ANO2: variants seen among roughly 807,000 people sequenced by gnomAD.
ANO2 encodes anoctamin-2.
ANO2 carries 101 observed loss-of-function variants against 124.2 expected under a neutral mutation model. The ratio of observed to expected loss-of-function variants is 0.81; its 90% CI spans 0.69 to 0.96. The LOEUF (loss-of-function observed/expected upper bound fraction) is 0.96. Among genes scored for constraint, ANO2 ranks in the 40% least tolerant of loss-of-function variants. The probability of loss-of-function intolerance (pLI) is 0.00; values close to 1 mark genes in which losing one functional copy is unlikely to be tolerated. For missense variants in ANO2, 1,293 were observed against 1,274.5 expected, an observed-to-expected ratio of 1.01 and a Z score of -0.22; for synonymous variants, 486 against 482.5, an observed-to-expected ratio of 1.01 and a Z score of -0.09.
intron 14 of ANO2, among the ~76,000 whole-genome samples, chr12:5,718,402 C>A (rs556925115): frequency 1.2e-3 from 185 of 152,294 alleles, no homozygotes; most frequent in African/African-American, 4.0e-3. Flanking sequence ...CAGGGGTGAA[C>A]AAGGGTTTGG....
chr12:5,638,009 T>A (rs1037502259), intron 15 of ANO2, among the ~76,000 whole-genome samples: 1 of 152,250 alleles, frequency 6.6e-6, no homozygotes, highest in African/African-American at 2.4e-5. Context: ...TGGATCATGG[T>A]AGAAATTTTA....
chr12:5,578,277 T>A, intron 21 of ANO2, 89 bp downstream of exon 21: 1 of 1,518,350 alleles, frequency 6.6e-7, no homozygotes, highest in Non-Finnish European at 8.9e-7. Context: ...TTCCCAGCCC[T>A]CTTGATTCCT....
chr12:5,624,787 A>C (rs1366490334), intron 16 of ANO2, among the ~76,000 whole-genome samples: 1 of 152,144 alleles, frequency 6.6e-6, no homozygotes, highest in African/African-American at 2.4e-5. Flanking sequence ...TGAGTGTTGA[A>C]GGAATATGTA....
chr12:5,841,764 T>G (rs1025375958), intron 4 of ANO2, among the ~76,000 whole-genome samples: 1 of 152,250 alleles, frequency 6.6e-6, no homozygotes, highest in Non-Finnish European at 1.5e-5. Context: ...AAATGGCGTC[T>G]TCTCTTCCTC....
At chr12:5,689,001 G>A (rs1395622604) in intron 14 of ANO2, among the ~76,000 whole-genome samples, 1 of 152,048 alleles carries the variant, frequency 6.6e-6, no homozygotes, top group African/African-American at 2.4e-5. Flanking sequence ...GAAAGAGAAG[G>A]TGAAAGCCAC....
At chr12:5,762,353 GT>G (rs1951766255) in intron 10 of ANO2, among the ~76,000 whole-genome samples, 1 of 151,930 alleles carries the variant, frequency 6.6e-6, no homozygotes, top group African/African-American at 2.4e-5. Flanking sequence ...GGAAGCATAT[GT>G]TTCTAGAAAT....
At chr12:5,648,990 C>A in intron 14 of ANO2, among the ~76,000 whole-genome samples, 1 of 152,204 alleles carries the variant, frequency 6.6e-6, no homozygotes, top group Middle Eastern at 3.2e-3. Context: ...TAAAAGATTT[C>A]TTTCTAAAAA....
chr12:5,565,978 T>C (rs781675696), intron 23 of ANO2, among the ~76,000 whole-genome samples: 23 of 152,176 alleles, frequency 1.5e-4, no homozygotes, highest in Non-Finnish European at 3.1e-4. Context: ...CTGAGGGTAG[T>C]CCAGGCCAGT....
intron 4 of ANO2, among the ~76,000 whole-genome samples, chr12:5,848,650 G>A (rs1272603728): frequency 1.3e-5 from 2 of 152,264 alleles, no homozygotes; most frequent in African/African-American, 4.8e-5. Flanking sequence ...AGGTGGAGCC[G>A]TCGTGTTTAC....
chr12:5,892,255 A>G (rs567393213), intron 3 of ANO2, among the ~76,000 whole-genome samples: 6 of 152,226 alleles, frequency 3.9e-5, no homozygotes, highest in Non-Finnish European at 5.9e-5. Flanking sequence ...AACATGTTGA[A>G]AACAATGAAC....
At chr12:5,622,109 T>C (rs905223935) in intron 16 of ANO2, among the ~76,000 whole-genome samples, 1 of 151,702 alleles carries the variant, frequency 6.6e-6, no homozygotes, top group Non-Finnish European at 1.5e-5. Flanking sequence ...TTGGAAAACA[T>C]ATCTTGAAAA....
chr12:5,907,464 A>G (rs536394035), intron 3 of ANO2, among the ~76,000 whole-genome samples: 1 of 152,324 alleles, frequency 6.6e-6, no homozygotes, highest in East Asian at 1.9e-4. Context: ...AAAAGAGGCA[A>G]TTGGCACATA....
chr12:5,613,534 G>C (rs1000721970), intron 17 of ANO2, among the ~76,000 whole-genome samples: 2 of 152,156 alleles, frequency 1.3e-5, no homozygotes, highest in Non-Finnish European at 2.9e-5. Context: ...GCAGGTCGGG[G>C]AAGCAAAACA....
At chr12:5,735,091 G>A (rs1212790889) in intron 13 of ANO2, among the ~76,000 whole-genome samples, 3 of 152,228 alleles carry the variant, frequency 2.0e-5, no homozygotes, top group African/African-American at 7.2e-5. Context: ...AGCAAGTGGG[G>A]TGAGGTTATG....
intron 3 of ANO2, among the ~76,000 whole-genome samples, chr12:5,874,589 C>A (rs1276533283): frequency 6.6e-6 from 1 of 152,176 alleles, no homozygotes; most frequent in African/African-American, 2.4e-5. Flanking sequence ...CGAGCGTGCA[C>A]CTCTGGGCTC....
chr12:5,578,668 T>A, intron 20 of ANO2, 150 bp from the exon 21 acceptor site: 1 of 786,078 alleles, frequency 1.3e-6, no homozygotes, highest in Non-Finnish European at 2.0e-6. Context: ...CTGTGTCACA[T>A]ACACGGTATT....
chr12:5,778,363 C>T (rs1952289688), intron 10 of ANO2, among the ~76,000 whole-genome samples: 1 of 152,168 alleles, frequency 6.6e-6, no homozygotes, highest in Non-Finnish European at 1.5e-5. Context: ...TCTTTATTCA[C>T]TGTAATTTGG....
chr12:5,884,657 G>T (rs947931674), intron 3 of ANO2, among the ~76,000 whole-genome samples: 1 of 152,230 alleles, frequency 6.6e-6, no homozygotes, highest in Non-Finnish European at 1.5e-5. Flanking sequence ...CACCTTGCCT[G>T]AGAGTGTGCA....
At chr12:5,726,545 T>C (rs1003296232) in intron 14 of ANO2, among the ~76,000 whole-genome samples, 4 of 152,218 alleles carry the variant, frequency 2.6e-5, no homozygotes, top group African/African-American at 9.6e-5. Context: ...ACTCTGGCTC[T>C]GCCATGTATT....
Sources: gnomAD v4.1 joint callset for allele counts (sites outside exome capture counted in the v4.1 genomes callset) on GRCh38, gnomAD v4.1.1 for gene constraint, MANE v1.5 for transcripts, NCBI Gene and HGNC (gene_info 2026-07-23, HGNC 2026-07-21) for gene names.